Variants in ALK observed in about 807,000 individuals in gnomAD.
The protein encoded by ALK is ALK tyrosine kinase receptor.
A neutral mutation model predicts 163.1 loss-of-function variants in ALK; 74 were observed. The ratio of observed to expected loss-of-function variants is 0.45; its 90% CI spans 0.38 to 0.55. The LOEUF (loss-of-function observed/expected upper bound fraction) is 0.55. Among genes scored for constraint, ALK ranks in the 20% least tolerant of loss-of-function variants. The pLI is 0.00. For synonymous variants in ALK, 960 were observed against 843.2 expected, an observed-to-expected ratio of 1.14 and a Z score of -2.40; for missense variants, 2,063 against 2,105.3, an observed-to-expected ratio of 0.98 and a Z score of 0.39.
chr2:29,715,814 C>T (rs1679233293), intron 2 of ALK, among the ~76,000 whole-genome samples: 1 of 152,194 alleles, frequency 6.6e-6, no homozygotes, highest in South Asian at 2.1e-4. Flanking sequence ...CATAAGATGA[C>T]ACTCAGTGTC....
In ALK at chr2:29,636,067, T is replaced by C. The variant is rs1336107616; in HGVS notation, c.952+58783A>G. ...GAAAAAGGAACTAGAATAGCTAAAA[T>C]ACTTCTGAAAAAGAAGAATAAAGTG... is the stretch of plus-strand genomic sequence containing the variant. On this transcript the variant is annotated intron_variant, in intron 3 of 28. Coordinates refer to ENST00000389048, the MANE Select transcript of ALK (RefSeq NM_004304.5). Among the ~76,000 whole-genome samples the C allele has an allele frequency of 2.0e-5, 3 of 152,210 alleles. No homozygotes were observed. In the East Asian group the frequency reaches 5.8e-4, roughly 29 times the overall value.
rs57598066 is a variant in ALK at position 29,332,285 on chromosome 2, C to CAAAAAAAAAAAAAA, written c.1283-3818_1283-3805dup. ...TAGGAGACAGAGTGAGACTCCATCT[C>CAAAAAAAAAAAAAA]AAAAAAAAAAAAAAAAAAAAAAAAA... On this transcript the variant is annotated intron_variant, in intron 5 of 28. Coordinates refer to ENST00000389048, the MANE Select transcript of ALK (RefSeq NM_004304.5). 3.3e-4 allele frequency among the ~76,000 whole-genome samples: 6 copies of CAAAAAAAAAAAAAA among 18,358 alleles called. 2 individuals are homozygous for CAAAAAAAAAAAAAA. Among genetic ancestry groups the CAAAAAAAAAAAAAA allele is most frequent in the Non-Finnish European group, 4.6e-4 (4 of 8,784 alleles). 12.0% of individuals were successfully genotyped at this position (18,358 alleles called of 152,430 possible).
chr2:29,386,208 A>G (rs1197734774), intron 4 of ALK, among the ~76,000 whole-genome samples: 4 of 152,200 alleles, frequency 2.6e-5, no homozygotes, highest in Non-Finnish European at 5.9e-5. Context: ...TAGTTAATTC[A>G]GGTCACTGAA....
intron 3 of ALK, among the ~76,000 whole-genome samples, chr2:29,647,096 T>C (rs1341189744): frequency 6.6e-6 from 1 of 152,206 alleles, no homozygotes; most frequent in Non-Finnish European, 1.5e-5. Flanking sequence ...ATGGCTCTTC[T>C]TCCAGTTTCA....
intron 5 of ALK, among the ~76,000 whole-genome samples, chr2:29,360,719 G>A (rs574775866): frequency 6.6e-6 from 1 of 152,192 alleles, no homozygotes; most frequent in South Asian, 2.1e-4. Flanking sequence ...CCATAATGGT[G>A]GTAAAAAATA....
intron 5 of ALK, among the ~76,000 whole-genome samples, chr2:29,367,226 G>A (rs1470997289): frequency 1.3e-5 from 2 of 152,164 alleles, no homozygotes; most frequent in Non-Finnish European, 2.9e-5. Flanking sequence ...TGGAGGGTAA[G>A]GATTCGGGAC....
At chr2:29,601,497 G>C (rs1028272704) in intron 3 of ALK, among the ~76,000 whole-genome samples, 3 of 152,058 alleles carry the variant, frequency 2.0e-5, no homozygotes, top group Non-Finnish European at 2.9e-5. Flanking sequence ...AGGGAAGCAG[G>C]TGCACACTGT....
chr2:29,912,556 G>A (rs1205862857), intron 1 of ALK, among the ~76,000 whole-genome samples: 1 of 151,934 alleles, frequency 6.6e-6, no homozygotes, highest in Non-Finnish European at 1.5e-5. Context: ...TAGGCTGAAG[G>A]GAAATAATAA....
intron 1 of ALK, among the ~76,000 whole-genome samples, chr2:29,823,804 G>A (rs1665118394): frequency 6.6e-6 from 1 of 152,208 alleles, no homozygotes; most frequent in South Asian, 2.1e-4. Context: ...GCCTGACAAT[G>A]TGATAGAAAA....
intron 3 of ALK, among the ~76,000 whole-genome samples, chr2:29,537,467 A>G (rs544129609): frequency 6.6e-6 from 1 of 152,374 alleles, no homozygotes; most frequent in East Asian, 1.9e-4. Flanking sequence ...TTCAGCCTAC[A>G]GACACACAGA....
At chr2:29,576,520 C>G (rs1674529057) in intron 3 of ALK, among the ~76,000 whole-genome samples, 1 of 152,202 alleles carries the variant, frequency 6.6e-6, no homozygotes, top group South Asian at 2.1e-4. Flanking sequence ...CTGTTCAGCT[C>G]GGTTCTCTGC....
intron 3 of ALK, among the ~76,000 whole-genome samples, chr2:29,556,238 C>CT (rs923409506): frequency 1.3e-5 from 2 of 152,144 alleles, no homozygotes; most frequent in African/African-American, 4.8e-5. Context: ...GCTGTGTGAT[C>CT]TTACTGTAGG....
chr2:29,541,301 A>G (rs1291013490), intron 3 of ALK, among the ~76,000 whole-genome samples: 1 of 152,226 alleles, frequency 6.6e-6, no homozygotes, highest in East Asian at 1.9e-4. Flanking sequence ...TTGGCTTTTA[A>G]TATGTGAAAC....
At chr2:29,342,814 C>T (rs916002316) in intron 5 of ALK, among the ~76,000 whole-genome samples, 1 of 150,338 alleles carries the variant, frequency 6.7e-6, no homozygotes, top group African/African-American at 2.4e-5. Flanking sequence ...ATAGCTGGAA[C>T]TACAGTGCCC....
chr2:29,777,218 A>G (rs945631421), intron 1 of ALK, among the ~76,000 whole-genome samples: 2 of 152,164 alleles, frequency 1.3e-5, no homozygotes, highest in African/African-American at 4.8e-5. Context: ...ATCCTATTAG[A>G]TTTTTAATAA....
chr2:29,416,979 C>CCTTT (rs1177704836), intron 4 of ALK, among the ~76,000 whole-genome samples: 1 of 77,664 alleles, frequency 1.3e-5, no homozygotes, highest in African/African-American at 5.5e-5. Flanking sequence ...ATGTTTGATG[C>CCTTT]TTTTTTTTTT....
At chr2:29,632,925 A>G (rs1162244884) in intron 3 of ALK, among the ~76,000 whole-genome samples, 1 of 152,178 alleles carries the variant, frequency 6.6e-6, no homozygotes, top group Non-Finnish European at 1.5e-5. Flanking sequence ...AACTGCTCCC[A>G]TGATTCAATT....
At chr2:29,513,594 G>C (rs1285755169) in intron 4 of ALK, among the ~76,000 whole-genome samples, 5 of 151,936 alleles carry the variant, frequency 3.3e-5, no homozygotes, top group Non-Finnish European at 4.4e-5. Flanking sequence ...CACGGGCAAG[G>C]ACTTCATGTC....
intron 1 of ALK, among the ~76,000 whole-genome samples, chr2:29,821,931 T>C (rs1665059529): frequency 6.6e-6 from 1 of 152,158 alleles, no homozygotes; most frequent in Non-Finnish European, 1.5e-5. Context: ...ATTGCACACA[T>C]TGTCTGGACA....
Sources: gnomAD v4.1 joint callset for allele counts (sites outside exome capture counted in the v4.1 genomes callset) on GRCh38, gnomAD v4.1.1 for gene constraint, MANE v1.5 for transcripts, NCBI Gene and HGNC (gene_info 2026-07-23, HGNC 2026-07-21) for gene names.